CTNNA2: variants seen among roughly 807,000 people sequenced by gnomAD.
CTNNA2 encodes catenin alpha 2.
Under a neutral mutation model 101.0 loss-of-function variants are expected in CTNNA2, and 42 were observed. The ratio of observed to expected loss-of-function variants is 0.42; its 90% CI spans 0.32 to 0.54. The LOEUF (loss-of-function observed/expected upper bound fraction) is 0.54, where lower values mean the gene tolerates loss of function less well. Ranked by LOEUF, CTNNA2 falls within the 20% of genes least tolerant of loss-of-function variation. The pLI is 0.14. For synonymous variants in CTNNA2, 450 were observed against 456.4 expected, an observed-to-expected ratio of 0.99 and a Z score of 0.18; for missense variants, 871 against 1,223.1, an observed-to-expected ratio of 0.71 and a Z score of 4.29.
At chr2:80,122,726 G>A (rs561102787) in intron 7 of CTNNA2, among the ~76,000 whole-genome samples, 1 of 152,124 alleles carries the variant, frequency 6.6e-6, no homozygotes, top group Non-Finnish European at 1.5e-5. Context: ...TATCGCCATA[G>A]GTACCTATGC....
chr2:80,598,078 T>G (rs1697139960), intron 15 of CTNNA2, among the ~76,000 whole-genome samples: 1 of 152,162 alleles, frequency 6.6e-6, no homozygotes, highest in African/African-American at 2.4e-5. Flanking sequence ...AATGATAGAC[T>G]GGATAAAGAA....
chr2:80,003,950 T>C (rs1282060570), intron 7 of CTNNA2, among the ~76,000 whole-genome samples: 1 of 152,184 alleles, frequency 6.6e-6, no homozygotes, highest in Non-Finnish European at 1.5e-5. Context: ...GGCATCACCC[T>C]GTCATCTCCC....
intron 7 of CTNNA2, among the ~76,000 whole-genome samples, chr2:80,316,051 G>C (rs1358236707): frequency 6.6e-6 from 1 of 152,098 alleles, no homozygotes; most frequent in Non-Finnish European, 1.5e-5. Context: ...TTTCTCCTAA[G>C]TCCCTTTCTT....
At chr2:79,324,060 A>G (rs1225837043) in intron 3 of CTNNA2, among the ~76,000 whole-genome samples, 1 of 152,222 alleles carries the variant, frequency 6.6e-6, no homozygotes, top group Non-Finnish European at 1.5e-5. Flanking sequence ...GCTTAAGCCA[A>G]TTGAGTCCAT....
chr2:79,555,347 TG>T (rs982344873), intron 1 of CTNNA2, among the ~76,000 whole-genome samples: 12 of 152,004 alleles, frequency 7.9e-5, no homozygotes, highest in African/African-American at 2.7e-4. Context: ...TCCTCTTGAA[TG>T]GGGAGGGAAA....
chr2:80,267,547 G>A (rs1458282488), intron 7 of CTNNA2, among the ~76,000 whole-genome samples: 2 of 152,114 alleles, frequency 1.3e-5, no homozygotes, highest in Non-Finnish European at 2.9e-5. Context: ...CTTCCAGTCT[G>A]GGAGGGAAAC....
intron 1 of CTNNA2, among the ~76,000 whole-genome samples, chr2:79,573,362 G>T (rs1483594102): frequency 1.3e-5 from 2 of 152,268 alleles, no homozygotes; most frequent in East Asian, 3.9e-4. Context: ...ATACCCAAAT[G>T]CAATTAAAGA....
chr2:80,314,624 T>TG (rs1408535547), intron 7 of CTNNA2, among the ~76,000 whole-genome samples: 1 of 152,078 alleles, frequency 6.6e-6, no homozygotes, highest in African/African-American at 2.4e-5. Flanking sequence ...TCACCAACAA[T>TG]GGGGGAGGAT....
chr2:79,563,189 T>TATATATATATATA (rs879673133), intron 1 of CTNNA2, among the ~76,000 whole-genome samples: 1,366 of 40,076 alleles, frequency 0.034, 12 homozygotes, highest in Non-Finnish European at 0.072. Flanking sequence ...ATATATATAT[T>TATATATATATATA]TTCCTTCATT....
At chr2:79,609,637 C>A (rs1038892591) in intron 1 of CTNNA2, among the ~76,000 whole-genome samples, 1 of 152,082 alleles carries the variant, frequency 6.6e-6, no homozygotes, top group Non-Finnish European at 1.5e-5. Flanking sequence ...CAGGAATAGA[C>A]CAGCATGCAT....
At chr2:79,196,701 T>C (rs920425987) in intron 1 of CTNNA2, among the ~76,000 whole-genome samples, 3 of 152,242 alleles carry the variant, frequency 2.0e-5, no homozygotes, top group African/African-American at 7.2e-5. Context: ...TTTCAAAATG[T>C]TCTGCTTTAT....
intron 12 of CTNNA2, among the ~76,000 whole-genome samples, chr2:80,559,684 C>G (rs1693369770): frequency 6.6e-6 from 1 of 152,090 alleles, no homozygotes; most frequent in African/African-American, 2.4e-5. Flanking sequence ...TAAATTGGAT[C>G]TACAGCAGAC....
intron 2 of CTNNA2, among the ~76,000 whole-genome samples, chr2:79,701,045 A>G (rs1167442716): frequency 1.3e-5 from 2 of 152,152 alleles, no homozygotes; most frequent in Non-Finnish European, 2.9e-5. Context: ...AACAAAATAT[A>G]GGTTCCCACT....
chr2:80,171,086 C>A (rs552928203), intron 7 of CTNNA2, among the ~76,000 whole-genome samples: 1 of 152,268 alleles, frequency 6.6e-6, no homozygotes, highest in East Asian at 1.9e-4. Flanking sequence ...ATTTAAAATT[C>A]TCCTTAGTCA....
chr2:79,841,140 A>G (rs1679779295), intron 3 of CTNNA2, among the ~76,000 whole-genome samples: 2 of 152,180 alleles, frequency 1.3e-5, no homozygotes, highest in African/African-American at 4.8e-5. Context: ...TCTGTTGCTC[A>G]GGCTGGAGTG....
intron 9 of CTNNA2, among the ~76,000 whole-genome samples, chr2:80,494,083 T>G (rs1266658822): frequency 6.6e-6 from 1 of 152,152 alleles, no homozygotes; most frequent in African/African-American, 2.4e-5. Context: ...TATTTTGCCC[T>G]GATAGGACTA....
At chr2:79,588,204 A>G (rs1322876191) in intron 1 of CTNNA2, among the ~76,000 whole-genome samples, 1 of 152,228 alleles carries the variant, frequency 6.6e-6, no homozygotes, top group East Asian at 1.9e-4. Context: ...ATCTTCCCAC[A>G]TAGATTTAGT....
chr2:79,761,862 A>G (rs528137898), intron 3 of CTNNA2, among the ~76,000 whole-genome samples: 1 of 152,228 alleles, frequency 6.6e-6, no homozygotes, highest in Non-Finnish European at 1.5e-5. Context: ...AAATGGTAGC[A>G]GTCATCTGCA....
At chr2:79,712,456 T>C (rs1427239882) in intron 2 of CTNNA2, among the ~76,000 whole-genome samples, 1 of 152,216 alleles carries the variant, frequency 6.6e-6, no homozygotes, top group African/African-American at 2.4e-5. Flanking sequence ...GTAATGTATG[T>C]ATTAAGTTGT....
Sources: gnomAD v4.1 joint callset for allele counts (sites outside exome capture counted in the v4.1 genomes callset) on GRCh38, gnomAD v4.1.1 for gene constraint, MANE v1.5 for transcripts, NCBI Gene and HGNC (gene_info 2026-07-23, HGNC 2026-07-21) for gene names.